SPTBN1: variants seen among roughly 807,000 people sequenced by gnomAD.
SPTBN1 encodes the protein spectrin beta, non-erythrocytic 1.
SPTBN1 carries 32 observed loss-of-function variants against 266.4 expected under a neutral mutation model. That is an observed-to-expected ratio of 0.12 (90% CI 0.09 to 0.16). The LOEUF (loss-of-function observed/expected upper bound fraction) is 0.16. Ranked by LOEUF, SPTBN1 falls within the 10% of genes least tolerant of loss-of-function variation. SPTBN1 has a pLI of 1.00. For missense variants in SPTBN1, 2,296 were observed against 3,067.1 expected, an observed-to-expected ratio of 0.75 and a Z score of 5.94; for synonymous variants, 1,336 against 1,162.2, an observed-to-expected ratio of 1.15 and a Z score of -3.04.
At chr2:54,589,917 A>C (rs2104618243) in intron 2 of SPTBN1, among the ~76,000 whole-genome samples, 1 of 152,306 alleles carries the variant, frequency 6.6e-6, no homozygotes, top group Admixed American at 6.5e-5. Flanking sequence ...TTTATTCTTT[A>C]TTTTAAAACA....
chr2:54,465,704 G>A (rs1254405839), intron 1 of SPTBN1, among the ~76,000 whole-genome samples: 1 of 146,648 alleles, frequency 6.8e-6, no homozygotes, highest in Non-Finnish European at 1.5e-5. Flanking sequence ...GTGTTTGATT[G>A]AGTAATCTCT....
intron 2 of SPTBN1, among the ~76,000 whole-genome samples, chr2:54,553,262 T>G (rs1000514332): frequency 3.9e-5 from 6 of 152,032 alleles, no homozygotes; most frequent in Admixed American, 3.9e-4. Flanking sequence ...GGAGGCTCTT[T>G]GGGAGTTAGT....
At chr2:54,511,716 T>C (rs1669865347) in intron 1 of SPTBN1, among the ~76,000 whole-genome samples, 1 of 151,754 alleles carries the variant, frequency 6.6e-6, no homozygotes, top group Non-Finnish European at 1.5e-5. Flanking sequence ...ATACAAAAAT[T>C]AGCCAGGTGT....
chr2:54,630,819 C>T (rs1278841710), intron 15 of SPTBN1, 36 bp from the exon 16 acceptor site: 9 of 1,530,086 alleles, frequency 5.9e-6, no homozygotes, highest in Non-Finnish European at 7.9e-6. Context: ...TCAGTCTTCC[C>T]TTTTTCACAC....
chr2:54,653,964 G>T lies in SPTBN1; in HGVS notation c.5822+111G>T, dbSNP rs1680478938. 2 of 1,483,606 alleles carry T rather than the reference G, an allele frequency of 1.3e-6. No homozygotes were observed. The highest frequency in any genetic ancestry group is 4.8e-5 in the East Asian group (2 of 41,622). 91.9% of individuals were successfully genotyped at this position (1,483,606 alleles called of 1,614,324 possible). A position where few individuals can be genotyped will look rare whatever the true frequency, so the allele number is the denominator to read the frequency against. Reference sequence around the variant, plus strand: ...AAGCGTTCCTGCCTGAGCGCTTCAAGGCCAGAGTGGGGGTGGGGCGGTGCT... The same window carrying T: ...AAGCGTTCCTGCCTGAGCGCTTCAATGCCAGAGTGGGGGTGGGGCGGTGCT... On this transcript the variant is annotated intron_variant, in intron 27 of 35. Coordinates refer to ENST00000356805, the MANE Select transcript of SPTBN1 (RefSeq NM_003128.3). This position sits in a 1 kb window ranked among gnomAD's most constrained non-coding sequence, Gnocchi z 5.1.
rs1434111911 is a variant in SPTBN1 at position 54,645,366 on chromosome 2, G to A, written c.4407G>A (p.Glu1469=). The A allele has an allele frequency of 3.7e-6, 6 of 1,614,238 alleles. No individual in the cohort carries two copies. Among genetic ancestry groups the A allele is most frequent in the Non-Finnish European group, 5.1e-6 (6 of 1,180,046 alleles). Residue 1469 remains glutamate (E), a synonymous_variant, in exon 21 of 36, where the codon GAG becomes GAA. Coordinates refer to ENST00000356805, the MANE Select transcript of SPTBN1 (RefSeq NM_003128.3). This position sits in a 1 kb window ranked among gnomAD's most constrained non-coding sequence, Gnocchi z 4.3. ...KRLTVQTKFM[E]LLEPLNERKH... Reference sequence around the variant, plus strand: ...TCACCGTGCAGACCAAGTTCATGGAGTTGCTGGAGCCCTTGAACGAGAGGA... The same window carrying A: ...TCACCGTGCAGACCAAGTTCATGGAATTGCTGGAGCCCTTGAACGAGAGGA...
intron 2 of SPTBN1, among the ~76,000 whole-genome samples, chr2:54,590,083 G>T (rs1034116727): frequency 6.6e-6 from 1 of 152,164 alleles, no homozygotes; most frequent in East Asian, 1.9e-4. Context: ...TCACTTTACC[G>T]TACAGGTATG....
Position 54,643,092 on chromosome 2 carries a change from T to TTGC in SPTBN1, c.3969_3971dup (p.Ala1324dup). On this transcript the variant is annotated inframe_insertion, in exon 19 of 36. Transcript: ENST00000356805. ...AAGCATCAAGCATTTATGGCAGAAC[T>TTGC]TGCATCCAACAAAGAATGGCTTGAC... 6.2e-7 allele frequency: 1 copy of TTGC among 1,614,196 alleles called. No individual in the cohort carries two copies. Among genetic ancestry groups the TTGC allele is most frequent in the Non-Finnish European group, 8.5e-7 (1 of 1,180,016 alleles).
At chr2:54,599,447 C>G (rs1472841249) in intron 3 of SPTBN1, among the ~76,000 whole-genome samples, 1 of 152,168 alleles carries the variant, frequency 6.6e-6, no homozygotes, top group Non-Finnish European at 1.5e-5. Context: ...AATAAAGCCA[C>G]TTTGTTCTGG....
At position 54,645,255 on chromosome 2, in the gene SPTBN1, G is replaced by A. The variant is rs1485161559; in HGVS notation, c.4296G>A (p.Arg1432=). 6.2e-7 allele frequency: 1 copy of A among 1,614,202 alleles called. No homozygotes were observed. The stretch of plus-strand genomic sequence containing the variant: ...TGCTGGAGAATCAGATGGAAGTGCG[G>A]AAGAAGGAGATCGAAGAGCTCCAAA... ...QQMLENQMEV[R]KKEIEELQSQ... The change falls in exon 21 of 36, where the codon CGG becomes CGA. Residue 1432 remains arginine (R), a synonymous_variant. Coordinates refer to ENST00000356805, the MANE Select transcript of SPTBN1 (RefSeq NM_003128.3). The surrounding 1 kb of genome is among the most constrained non-coding windows in gnomAD (Gnocchi z 4.3).
intron 1 of SPTBN1, among the ~76,000 whole-genome samples, chr2:54,456,908 C>A (rs1219603840): frequency 2.0e-5 from 3 of 150,304 alleles, no homozygotes; most frequent in Non-Finnish European, 3.0e-5. Flanking sequence ...ACGCGGAGGC[C>A]CCTGGCGCGG....
At chr2:54,470,649 C>G (rs1381220499) in intron 1 of SPTBN1, among the ~76,000 whole-genome samples, 1 of 152,164 alleles carries the variant, frequency 6.6e-6, no homozygotes, top group Non-Finnish European at 1.5e-5. Context: ...AGAGAGTACA[C>G]TGACTTTTAG....
At chr2:54,510,854 T>G (rs1332251614) in intron 1 of SPTBN1, among the ~76,000 whole-genome samples, 1 of 152,224 alleles carries the variant, frequency 6.6e-6, no homozygotes, top group Non-Finnish European at 1.5e-5. Flanking sequence ...TGCTGATTCC[T>G]TTTGCTCTTA....
intron 4 of SPTBN1, among the ~76,000 whole-genome samples, chr2:54,613,344 CA>C (rs2103807323): frequency 6.6e-6 from 1 of 152,254 alleles, no homozygotes; most frequent in Non-Finnish European, 1.5e-5. Flanking sequence ...AAACCTCACA[CA>C]AAAAGGAAAA....
At chr2:54,464,842 C>T (rs1366741522) in intron 1 of SPTBN1, among the ~76,000 whole-genome samples, 2 of 152,036 alleles carry the variant, frequency 1.3e-5, no homozygotes, top group East Asian at 3.9e-4. Context: ...TACCACCACA[C>T]AGGGCTAATT....
chr2:54,637,653 C>A, intron 17 of SPTBN1, 60 bp from the exon 18 acceptor site: 1 of 1,309,088 alleles, frequency 7.6e-7, no homozygotes, highest in Non-Finnish European at 1.1e-6. Context: ...GATTTGTATT[C>A]TGTATTTCAA....
At chr2:54,598,993 C>G in intron 2 of SPTBN1, 99 bp from the exon 3 acceptor site, 1 of 1,437,714 alleles carries the variant, frequency 7.0e-7, no homozygotes, top group Non-Finnish European at 9.5e-7. Flanking sequence ...GTCAGTTTTG[C>G]TGACCTTCCT....
chr2:54,661,511 A>G, intron 32 of SPTBN1: 3 of 985,772 alleles, frequency 3.0e-6, no homozygotes, highest in Non-Finnish European at 3.6e-6. Context: ...GTACATATCT[A>G]TCTACTTCTG....
rs954639520 is a variant in SPTBN1, at chr2:54,540,109, G to A, written c.148+13543G>A. On this transcript the variant is annotated intron_variant, in intron 2 of 35. Coordinates refer to ENST00000356805, the MANE Select transcript of SPTBN1 (RefSeq NM_003128.3). This position sits in a 1 kb window ranked among gnomAD's most constrained non-coding sequence, Gnocchi z 5.6. ...GGTCCTTCACCAAGAACCCAACCAT[G>A]CTGGCACCCTGACTTCCAGCCTCCA... 5.3e-5 allele frequency among the ~76,000 whole-genome samples: 8 copies of A among 152,176 alleles called. No homozygotes were observed. Among genetic ancestry groups the A allele is most frequent in the Admixed American group, 5.2e-4 (8 of 15,282 alleles).
Sources: gnomAD v4.1 joint callset for allele counts (sites outside exome capture counted in the v4.1 genomes callset) on GRCh38, gnomAD v4.1.1 for gene constraint, Gnocchi (gnomAD v3.1) non-coding constraint, MANE v1.5 for transcripts, NCBI Gene and HGNC (gene_info 2026-07-23, HGNC 2026-07-21) for gene names.